The following RPAP2 variants were observed in gnomAD, a reference collection of about 807,000 sequenced individuals.
RPAP2 encodes RNA polymerase II associated protein 2.
A neutral mutation model predicts 73.1 loss-of-function variants in RPAP2; 52 were observed. The ratio of observed to expected loss-of-function variants is 0.71; its 90% confidence interval spans 0.57 to 0.90. The LOEUF is 0.90. RPAP2 is among the 40% of genes least tolerant of loss of function. The probability of loss-of-function intolerance (pLI) is 0.00; values close to 1 mark genes in which losing one functional copy is unlikely to be tolerated. For synonymous variants in RPAP2, 225 were observed against 242.1 expected (o/e 0.93, Z 0.65); for missense variants, 598 against 701.8 (o/e 0.85, Z 1.67).
At chr1:92,340,394 A>G (rs960467097) in intron 10 of RPAP2, among the ~76,000 whole-genome samples, 5 of 152,216 alleles carry the variant, frequency 3.3e-5, no homozygotes, top group Non-Finnish European at 7.3e-5. Context: ...GAAAAATGCC[A>G]TATTGATGAC....
chr1:92,340,623 G>A (rs1446412844), intron 10 of RPAP2, among the ~76,000 whole-genome samples: 2 of 152,292 alleles, frequency 1.3e-5, no homozygotes, highest in East Asian at 3.9e-4. Context: ...CTAGGGTTGG[G>A]CTCAGACATT....
intron 10 of RPAP2, among the ~76,000 whole-genome samples, chr1:92,338,414 A>C (rs960492106): frequency 6.6e-6 from 1 of 152,214 alleles, no homozygotes; most frequent in South Asian, 2.1e-4. Context: ...TAATGACGAG[A>C]GACATTTTTT....
At position 92,340,241 on chromosome 1, in the gene RPAP2, T is replaced by G. The variant is rs186366724; in HGVS notation, c.1619+3814T>G. ...AAAATTGCTTAAATTGGCTTCACTG[T>G]CCTTCAGAAAAGTGTCAGTTGCTTA... On this transcript the variant is annotated intron_variant, in intron 10 of 12. Coordinates refer to ENST00000610020, the MANE Select transcript of RPAP2 (RefSeq NM_024813.3). Among the ~76,000 whole-genome samples the G allele has an allele frequency of 3.0e-3, 455 of 152,340 alleles. 1 individual carries two copies. The highest frequency in any genetic ancestry group is 4.5e-3 in the Non-Finnish European group (303 of 68,034).
intron 12 of RPAP2, among the ~76,000 whole-genome samples, chr1:92,384,345 G>A (rs1655775907): frequency 6.6e-6 from 1 of 151,764 alleles, no homozygotes; most frequent in Non-Finnish European, 1.5e-5. Flanking sequence ...TACCAGACCG[G>A]GTGCGCAGTG....
Position 92,387,251 on chromosome 1 carries a change from A to C in RPAP2, c.*240A>C, listed in dbSNP as rs1021211695. ...AACCAAGTCTTTGTATCCCTAGTACAAGACATAGTATTTTTATTCGAAAAT... is the reference window on the plus strand; with the variant it reads ...AACCAAGTCTTTGTATCCCTAGTACCAGACATAGTATTTTTATTCGAAAAT... On this transcript the variant is annotated 3_prime_UTR_variant, in exon 13 of 13. Transcript: ENST00000610020. The C allele has an allele frequency of 2.9e-6, 1 of 341,688 alleles. No individual in the cohort carries two copies. The highest frequency in any genetic ancestry group is 5.3e-6 in the Non-Finnish European group (1 of 189,400). 21.2% of individuals were successfully genotyped at this position (341,688 alleles called of 1,614,324 possible).
At chr1:92,332,462 T>C (rs1264600370) in intron 8 of RPAP2, among the ~76,000 whole-genome samples, 2 of 152,174 alleles carry the variant, frequency 1.3e-5, no homozygotes, top group African/African-American at 4.8e-5. Flanking sequence ...TTCAGATTTT[T>C]ATCATATTGT....
At chr1:92,346,798 A>G (rs1038941304) in intron 11 of RPAP2, among the ~76,000 whole-genome samples, 18 of 152,204 alleles carry the variant, frequency 1.2e-4, no homozygotes, top group African/African-American at 3.6e-4. Context: ...GGTTAAAACT[A>G]TTCAATAAGT....
chr1:92,301,346 T>C (rs1650843137), intron 2 of RPAP2, 130 bp from the exon 3 acceptor site: 1 of 379,932 alleles, frequency 2.6e-6, no homozygotes, highest in Admixed American at 4.4e-5. Flanking sequence ...AATATTTTTA[T>C]TCAAAAAATT....
At chr1:92,299,197 A>G in intron 1 of RPAP2, 51 bp downstream of exon 1, 1 of 1,185,546 alleles carries the variant, frequency 8.4e-7, no homozygotes, top group South Asian at 1.6e-5. Flanking sequence ...CTGGGCCCCG[A>G]TCTCGAGTTA....
chr1:92,341,121 A>C (rs1384395391), intron 10 of RPAP2, among the ~76,000 whole-genome samples: 4 of 151,614 alleles, frequency 2.6e-5, no homozygotes, highest in Non-Finnish European at 5.9e-5. Flanking sequence ...CAATCCTCCC[A>C]CCTTAGCCTC....
chr1:92,333,240 T>C (rs1653079072), intron 8 of RPAP2, 151 bp from the exon 9 acceptor site: 1 of 600,812 alleles, frequency 1.7e-6, no homozygotes, highest in Non-Finnish European at 2.9e-6. Context: ...ACTGAGTTGA[T>C]ACTCAAATTT....
chr1:92,327,923 C>T (rs116275370), intron 8 of RPAP2, among the ~76,000 whole-genome samples: 1,939 of 152,142 alleles, frequency 0.013, 41 homozygotes, highest in African/African-American at 0.044. Context: ...ACCTTAGTTT[C>T]GCTGGATACA....
intron 11 of RPAP2, among the ~76,000 whole-genome samples, chr1:92,359,328 T>C (rs972262671): frequency 6.6e-6 from 1 of 152,226 alleles, no homozygotes; most frequent in Non-Finnish European, 1.5e-5. Context: ...TATTTATTTA[T>C]TTATTTATGA....
intron 11 of RPAP2, among the ~76,000 whole-genome samples, chr1:92,348,805 T>C (rs1470345249): frequency 6.6e-6 from 1 of 152,206 alleles, no homozygotes; most frequent in East Asian, 1.9e-4. Flanking sequence ...AATTATACTT[T>C]AATGTGTATT....
chr1:92,309,122 T>C (rs1454784886), intron 6 of RPAP2, among the ~76,000 whole-genome samples: 2 of 151,794 alleles, frequency 1.3e-5, no homozygotes, highest in African/African-American at 4.8e-5. Flanking sequence ...TATATACCCT[T>C]CACTACCTCA....
intron 3 of RPAP2, among the ~76,000 whole-genome samples, chr1:92,302,238 C>G (rs980211865): frequency 6.6e-6 from 1 of 151,284 alleles, no homozygotes; most frequent in East Asian, 1.9e-4. Flanking sequence ...GATCACACCA[C>G]TGCACTCCAG....
intron 6 of RPAP2, among the ~76,000 whole-genome samples, chr1:92,319,342 T>G (rs1652113257): frequency 6.6e-6 from 1 of 152,274 alleles, no homozygotes; most frequent in African/African-American, 2.4e-5. Context: ...TGTGTGATTT[T>G]GGGCAAATTG....
chr1:92,331,389 CTA>C (rs955617004), intron 8 of RPAP2, among the ~76,000 whole-genome samples: 23 of 152,160 alleles, frequency 1.5e-4, no homozygotes, highest in African/African-American at 5.3e-4. Context: ...ACTCCTCTTT[CTA>C]TGTGTCCCAC....
In RPAP2 at chr1:92,371,319, A is replaced by AT. The variant is rs1553155687; in HGVS notation, c.1689-9405_1689-9404insT. Among the ~76,000 whole-genome samples, 371 of 61,634 alleles carry AT rather than the reference A, an allele frequency of 6.0e-3. 1 individual carries two copies. Among genetic ancestry groups the AT allele is most frequent in the Middle Eastern group, 0.056 (7 of 124 alleles). 40.4% of individuals were successfully genotyped at this position (61,634 alleles called of 152,430 possible). A position where few individuals can be genotyped will look rare whatever the true frequency, so the allele number is the denominator to read the frequency against. ...GTCTCTGTCTCAAAAAAAAAAAAAA[A>AT]ATATATATATATATATATACCTACA... On this transcript the variant is annotated intron_variant, in intron 11 of 12. Transcript: ENST00000610020.
Sources: gnomAD v4.1 joint callset for allele counts (sites outside exome capture counted in the v4.1 genomes callset) on GRCh38, gnomAD v4.1.1 for gene constraint, MANE v1.5 for transcripts, NCBI Gene and HGNC (gene_info 2026-07-23, HGNC 2026-07-21) for gene names.